CLPB: variants seen among roughly 807,000 people sequenced by gnomAD.
CLPB encodes mitochondrial disaggregase.
In CLPB, 40 loss-of-function variants were observed where a neutral mutation model predicts 78.4. That is an observed-to-expected ratio of 0.51 (90% CI 0.40 to 0.66). The LOEUF is 0.66. CLPB is among the 30% of genes least tolerant of loss of function. The pLI is 0.00. For synonymous variants in CLPB, 333 were observed against 348.0 expected (o/e 0.96, Z 0.48); for missense variants, 780 against 886.9 (o/e 0.88, Z 1.53).
chr11:72,384,443 G>A (rs905147282), intron 3 of CLPB, among the ~76,000 whole-genome samples: 24 of 151,150 alleles, frequency 1.6e-4, no homozygotes, highest in Non-Finnish European at 3.1e-4. Flanking sequence ...ATTCATAAAA[G>A]GTAAAAAGTA....
chr11:72,366,062 C>A (rs1430011717), intron 4 of CLPB, among the ~76,000 whole-genome samples: 1 of 152,112 alleles, frequency 6.6e-6, no homozygotes, highest in Non-Finnish European at 1.5e-5. Flanking sequence ...ACAAATGGGG[C>A]CTAATTAAAT....
chr11:72,308,957 T>C (rs2135513494), intron 7 of CLPB, among the ~76,000 whole-genome samples: 1 of 152,262 alleles, frequency 6.6e-6, no homozygotes, highest in Non-Finnish European at 1.5e-5. Context: ...CTCTCACTGG[T>C]TACTCATCTA....
At position 72,295,603 on chromosome 11, in the gene CLPB, C is replaced by T. The variant is rs372344202; in HGVS notation, c.1375G>A (p.Ala459Thr). 23 of 1,613,952 alleles carry T rather than the reference C, an allele frequency of 1.4e-5. No homozygotes were observed. The highest frequency in any genetic ancestry group is 2.2e-5 in the South Asian group (2 of 91,024). Residue 459 changes from alanine (A) to threonine (T), a missense_variant, in exon 12 of 16, where the codon GCC (alanine) becomes ACC (threonine). Ala to Thr is a moderately conservative substitution (Grantham distance 58). This residue lies in a region of CLPB where 272 missense variants were observed against 304.0 expected (regional missense o/e 0.89). Coordinates refer to ENST00000538039, the MANE Select transcript of CLPB (RefSeq NM_001258392.3). Reference sequence around the variant, plus strand: ...ACATTGGAGGTCATGATGAAGATGGCGTCCTTGCAATCAATGGTCTTCCCT... The same window carrying T: ...ACATTGGAGGTCATGATGAAGATGGTGTCCTTGCAATCAATGGTCTTCCCT... ...GKGKTIDCKD[A>T]IFIMTSNVAS...
chr11:72,356,307 G>A (rs1950713690), intron 5 of CLPB, among the ~76,000 whole-genome samples: 1 of 148,372 alleles, frequency 6.7e-6, no homozygotes, highest in South Asian at 2.1e-4. Context: ...AAGCCAGCCA[G>A]ATGGGCAGGA....
intron 5 of CLPB, among the ~76,000 whole-genome samples, chr11:72,331,897 C>G (rs943535410): frequency 1.3e-5 from 2 of 151,958 alleles, no homozygotes; most frequent in African/African-American, 4.8e-5. Flanking sequence ...CTTAAAAGAC[C>G]CTATCAACTT....
At chr11:72,319,857 G>C (rs1441767401) in intron 6 of CLPB, among the ~76,000 whole-genome samples, 1 of 152,130 alleles carries the variant, frequency 6.6e-6, no homozygotes, top group South Asian at 2.1e-4. Context: ...TTTGATAACA[G>C]ACTGTCTAAT....
chr11:72,402,355 T>G (rs755924955), intron 3 of CLPB, among the ~76,000 whole-genome samples: 2 of 152,230 alleles, frequency 1.3e-5, no homozygotes, highest in Admixed American at 6.5e-5. Flanking sequence ...ACTTTATCTC[T>G]TTGGGTTTCA....
At chr11:72,295,722 ACCT>A in intron 11 of CLPB, 74 bp from the exon 12 acceptor site, 1 of 1,486,888 alleles carries the variant, frequency 6.7e-7, no homozygotes, top group Non-Finnish European at 9.2e-7. Context: ...CTCAGTTCTC[ACCT>A]CCTTCAGGAG....
intron 4 of CLPB, among the ~76,000 whole-genome samples, chr11:72,371,533 A>AAAAATAAAAT (rs5792587): frequency 0.021 from 2,634 of 126,196 alleles, 34 homozygotes; most frequent in Non-Finnish European, 0.028. Flanking sequence ...ACTCTGTCTC[A>AAAAATAAAAT]AAAATAAAAT....
chr11:72,362,034 C>T (rs910270639), intron 4 of CLPB, among the ~76,000 whole-genome samples: 4 of 152,196 alleles, frequency 2.6e-5, no homozygotes, highest in African/African-American at 9.6e-5. Context: ...AAGGAATGTC[C>T]AGAGGAGGCC....
chr11:72,400,685 A>C (rs1033137531), intron 3 of CLPB, among the ~76,000 whole-genome samples: 1 of 152,232 alleles, frequency 6.6e-6, no homozygotes, highest in Non-Finnish European at 1.5e-5. Context: ...GTGAAGTACC[A>C]GCGGTGTAGA....
At position 72,380,020 on chromosome 11, in the gene CLPB, T is replaced by C. The variant is rs1854855245; in HGVS notation, c.646+261A>G. On this transcript the variant is annotated intron_variant, in intron 4 of 15. Coordinates refer to ENST00000538039, the MANE Select transcript of CLPB (RefSeq NM_001258392.3). ...ACTTTCAGGAAAACACCAGTTGAAA[T>C]GTACTTCCTACCCGCAATTAGGTCA... Among the ~76,000 whole-genome samples, 1 of 152,184 alleles carries C rather than the reference T, an allele frequency of 6.6e-6. No individual in the cohort carries two copies. Among genetic ancestry groups the C allele is most frequent in the Non-Finnish European group, 1.5e-5 (1 of 68,030 alleles).
At chr11:72,361,775 G>C (rs1950844006) in intron 4 of CLPB, among the ~76,000 whole-genome samples, 1 of 152,212 alleles carries the variant, frequency 6.6e-6, no homozygotes, top group Non-Finnish European at 1.5e-5. Flanking sequence ...CATTTAATGA[G>C]CACCAATGCA....
intron 4 of CLPB, among the ~76,000 whole-genome samples, chr11:72,362,921 C>T (rs548237166): frequency 1.3e-5 from 2 of 152,164 alleles, no homozygotes; most frequent in South Asian, 2.1e-4. Context: ...TTTAGGAGGC[C>T]GAGGCGGGCA....
chr11:72,295,457 TCA>T, intron 12 of CLPB, 33 bp downstream of exon 12: 1 of 1,600,106 alleles, frequency 6.2e-7, no homozygotes, highest in South Asian at 1.1e-5. Flanking sequence ...GGTGGCTTGG[TCA>T]CTGGACCAGA....
chr11:72,393,075 G>A (rs117190635), intron 3 of CLPB, among the ~76,000 whole-genome samples: 4,453 of 152,254 alleles, frequency 0.029, 111 homozygotes, highest in Non-Finnish European at 0.04. Flanking sequence ...GGCAAGGCTC[G>A]AGGAAGGCAT....
chr11:72,336,589 C>T (rs1292834089), intron 5 of CLPB: 1 of 152,538 alleles, frequency 6.6e-6, no homozygotes, highest in Non-Finnish European at 1.5e-5. Flanking sequence ...GTACAATGTT[C>T]TTTGTAATAA....
In CLPB at chr11:72,293,357, CAGGTGGCTGCT is replaced by C; in HGVS notation, c.2033_*9del. 6.2e-7 allele frequency: 1 copy of C among 1,611,252 alleles called. No homozygotes were observed. The highest frequency in any genetic ancestry group is 8.5e-7 in the Non-Finnish European group (1 of 1,177,844). ...GATGGTGAGGGCACATAGGAGCAGG[CAGGTGGCTGCT>C]AGATGGTGTTGCACACCTTCTCAGG... On this transcript the variant is annotated stop_lost and 3_prime_UTR_variant, in exon 16 of 16. Coordinates refer to ENST00000538039, the MANE Select transcript of CLPB (RefSeq NM_001258392.3).
chr11:72,293,839 A>G (rs1045932715), intron 15 of CLPB, among the ~76,000 whole-genome samples, 183 bp downstream of exon 15: 5 of 152,166 alleles, frequency 3.3e-5, no homozygotes, highest in East Asian at 3.9e-4. Context: ...ATACTGGGCT[A>G]CCCTCCAGCA....
Sources: allele counts gnomAD v4.1 joint callset (sites outside exome capture counted in the v4.1 genomes callset), GRCh38; gene constraint gnomAD v4.1.1; regional missense constraint gnomAD v4.1.1; transcripts MANE v1.5; gene names NCBI Gene and HGNC (gene_info 2026-07-23, HGNC 2026-07-21).